The following CADM2 variants were observed in gnomAD, a reference collection of about 807,000 sequenced individuals.
The protein encoded by CADM2 is immunoglobulin superfamily member 4D.
CADM2 carries 12 observed loss-of-function variants against 49.8 expected under a neutral mutation model. The observed-to-expected ratio is 0.24, with a 90% CI of 0.15 to 0.39. The LOEUF is 0.39. Ranked by LOEUF, CADM2 falls within the 10% of genes least tolerant of loss-of-function variation. CADM2 has a pLI of 1.00. For missense variants in CADM2, 378 were observed against 492.3 expected, an observed-to-expected ratio of 0.77 and a Z score of 2.20; for synonymous variants, 214 against 175.4, an observed-to-expected ratio of 1.22 and a Z score of -1.74.
intron 6 of CADM2, among the ~76,000 whole-genome samples, chr3:85,929,713 A>G (rs2108523948): frequency 6.6e-6 from 1 of 152,144 alleles, no homozygotes; most frequent in African/African-American, 2.4e-5. Flanking sequence ...GAAAGTGAAG[A>G]CTTTCAAAAT....
intron 1 of CADM2, among the ~76,000 whole-genome samples, chr3:85,120,712 G>T (rs2038832640): frequency 6.6e-6 from 1 of 152,012 alleles, no homozygotes; most frequent in Non-Finnish European, 1.5e-5. Context: ...AGCCTTAGGA[G>T]AAATACGTCA....
chr3:85,852,823 C>T (rs1300817327), intron 3 of CADM2, among the ~76,000 whole-genome samples: 1 of 151,990 alleles, frequency 6.6e-6, no homozygotes, highest in Non-Finnish European at 1.5e-5. Context: ...ATGATTTACT[C>T]TTTCTGGGAA....
At chr3:85,726,391 C>A in intron 1 of CADM2, 131 bp from the exon 2 acceptor site, 1 of 939,212 alleles carries the variant, frequency 1.1e-6, no homozygotes, top group Non-Finnish European at 1.7e-6. Flanking sequence ...GTTTCTTAGG[C>A]TGTTGATCAT....
chr3:85,598,594 A>G (rs1353517438), intron 1 of CADM2, among the ~76,000 whole-genome samples: 2 of 151,968 alleles, frequency 1.3e-5, no homozygotes, highest in African/African-American at 4.8e-5. Context: ...TGCTCTGGTA[A>G]TAATAAGACT....
intron 1 of CADM2, among the ~76,000 whole-genome samples, chr3:85,405,503 A>T (rs1158091959): frequency 6.6e-6 from 1 of 152,158 alleles, no homozygotes; most frequent in African/African-American, 2.4e-5. Flanking sequence ...GCTCTCTGTG[A>T]TACTGCTCCT....
At chr3:85,846,629 G>A (rs2074892757) in intron 3 of CADM2, among the ~76,000 whole-genome samples, 1 of 152,140 alleles carries the variant, frequency 6.6e-6, no homozygotes, top group Non-Finnish European at 1.5e-5. Context: ...CACTATGAGA[G>A]GCTGAGGCAG....
intron 1 of CADM2, among the ~76,000 whole-genome samples, chr3:85,665,262 T>C (rs9865467): frequency 0.011 from 1,683 of 152,068 alleles, 58 homozygotes; most frequent in South Asian, 0.11. Flanking sequence ...ATAATACATT[T>C]AAGATTTTAA....
chr3:85,606,887 A>G (rs2063553736), intron 1 of CADM2, among the ~76,000 whole-genome samples: 1 of 152,090 alleles, frequency 6.6e-6, no homozygotes, highest in Admixed American at 6.6e-5. Context: ...TATTTAAGAT[A>G]TTTGGTCTTC....
chr3:85,719,893 A>G (rs2067436654), intron 1 of CADM2, among the ~76,000 whole-genome samples: 1 of 152,158 alleles, frequency 6.6e-6, no homozygotes, highest in Non-Finnish European at 1.5e-5. Context: ...GTACATCCCA[A>G]AATTATTATG....
Position 85,648,404 on chromosome 3 carries a change from GT to G in CADM2, c.62-78112del, listed in dbSNP as rs753319029. Reference sequence around the variant, plus strand: ...TAGCAATTTTAATTTGTTCTTGAAGGTTTTTTCCACCCCCCTCTATCTGGGA... The same window carrying G: ...TAGCAATTTTAATTTGTTCTTGAAGGTTTTTCCACCCCCCTCTATCTGGGA... On this transcript the variant is annotated intron_variant, in intron 1 of 9. Coordinates refer to ENST00000383699, the MANE Select transcript of CADM2 (RefSeq NM_001167675.2). 4.6e-5 allele frequency among the ~76,000 whole-genome samples: 7 copies of G among 151,922 alleles called. No individual in the cohort carries two copies. The East Asian group carries it at 1.4e-3, about 29-fold the overall frequency.
intron 8 of CADM2, among the ~76,000 whole-genome samples, chr3:86,033,889 T>A (rs1185599120): frequency 1.3e-5 from 2 of 150,042 alleles, no homozygotes; most frequent in African/African-American, 4.9e-5. Context: ...TCAAGTGTTT[T>A]AAAAAACAAT....
At position 85,616,815 on chromosome 3, in the gene CADM2, G is replaced by A. The variant is rs541788718; in HGVS notation, c.62-109707G>A. 3.3e-5 allele frequency among the ~76,000 whole-genome samples: 5 copies of A among 152,178 alleles called. No individual in the cohort carries two copies. The South Asian group carries it at 8.3e-4, about 25-fold the overall frequency. ...AAGAGGAGTCTTGACTATGCCATTG[G>A]ATACGAAGAGGGGAACCTGTTATTC... is the stretch of plus-strand genomic sequence containing the variant. On this transcript the variant is annotated intron_variant, in intron 1 of 9. Coordinates refer to ENST00000383699, the MANE Select transcript of CADM2 (RefSeq NM_001167675.2).
At chr3:85,463,076 G>T (rs564308981) in intron 1 of CADM2, among the ~76,000 whole-genome samples, 46 of 152,166 alleles carry the variant, frequency 3.0e-4, no homozygotes, top group African/African-American at 1.1e-3. Context: ...CCATATGACC[G>T]CTTAGATTCT....
At chr3:84,978,201 T>TA (rs1402327324) in intron 1 of CADM2, among the ~76,000 whole-genome samples, 1 of 152,164 alleles carries the variant, frequency 6.6e-6, no homozygotes, top group African/African-American at 2.4e-5. Flanking sequence ...TCTTTCTTGT[T>TA]AACGTGTATG....
chr3:85,755,600 C>G (rs1187823704), intron 2 of CADM2, among the ~76,000 whole-genome samples: 3 of 152,066 alleles, frequency 2.0e-5, no homozygotes, highest in Admixed American at 6.6e-5. Flanking sequence ...ATGGGCTGTA[C>G]AGGAAGCATG....
intron 6 of CADM2, among the ~76,000 whole-genome samples, chr3:85,934,698 AT>A (rs1486943254): frequency 6.6e-6 from 1 of 152,086 alleles, no homozygotes; most frequent in Non-Finnish European, 1.5e-5. Context: ...AATCTAAATA[AT>A]ATTTTCCTTA....
intron 8 of CADM2, among the ~76,000 whole-genome samples, chr3:85,996,088 TA>T (rs541235509): frequency 9.6e-4 from 132 of 137,844 alleles, no homozygotes; most frequent in South Asian, 9.4e-3. Context: ...AGACTCTGCC[TA>T]AAAAAAAAAA....
intron 1 of CADM2, among the ~76,000 whole-genome samples, chr3:85,491,099 C>G (rs188889948): frequency 6.6e-6 from 1 of 152,192 alleles, no homozygotes; most frequent in Non-Finnish European, 1.5e-5. Context: ...AAATCAGGTA[C>G]TGCATCAAAT....
At chr3:85,767,404 C>T (rs1207809000) in intron 2 of CADM2, among the ~76,000 whole-genome samples, 1 of 152,118 alleles carries the variant, frequency 6.6e-6, no homozygotes, top group East Asian at 1.9e-4. Context: ...CCCTCATGAT[C>T]TAGTTTTAAG....
Sources: gnomAD v4.1 joint callset for allele counts (sites outside exome capture counted in the v4.1 genomes callset) on GRCh38, gnomAD v4.1.1 for gene constraint, MANE v1.5 for transcripts, NCBI Gene and HGNC (gene_info 2026-07-23, HGNC 2026-07-21) for gene names.